ADAMTS2: variants seen among roughly 807,000 people sequenced by gnomAD.
ADAMTS2 encodes A disintegrin and metalloproteinase with thrombospondin motifs 2.
In ADAMTS2, 50 loss-of-function variants were observed where a neutral mutation model predicts 123.0. That is an observed-to-expected ratio of 0.41 (90% CI 0.32 to 0.51). ADAMTS2 has a LOEUF of 0.51. ADAMTS2 is among the 20% of genes least tolerant of loss of function. The probability of loss-of-function intolerance (pLI) is 0.35; values close to 1 mark genes in which losing one functional copy is unlikely to be tolerated. For missense variants in ADAMTS2, 1,494 were observed against 1,705.2 expected (o/e 0.88, Z 2.18); for synonymous variants, 678 against 695.4 (o/e 0.98, Z 0.39).
intron 3 of ADAMTS2, among the ~76,000 whole-genome samples, chr5:179,241,984 T>G (rs972127359): frequency 7.2e-5 from 11 of 152,066 alleles, no homozygotes; most frequent in Admixed American, 3.3e-4. Flanking sequence ...GTGGCTGTGG[T>G]GGGGGGGCAC....
At position 179,188,784 on chromosome 5, in the gene ADAMTS2, CA is replaced by C. The variant is rs796822412; in HGVS notation, c.892-7630del. 3.2e-4 allele frequency among the ~76,000 whole-genome samples: 48 copies of C among 152,298 alleles called. No individual in the cohort carries two copies. The highest frequency in any genetic ancestry group is 1.1e-3 in the African/African-American group (44 of 41,554). ...TCTGCTGATACCTCTGCAGATGCCT[CA>C]GGGTGGGGACGGGGCTCCTCCACTT... On this transcript the variant is annotated intron_variant, in intron 4 of 21. Transcript: ENST00000251582. This position sits in a 1 kb window ranked among gnomAD's most constrained non-coding sequence, Gnocchi z 5.1.
Position 179,202,903 on chromosome 5 carries a change from C to T in ADAMTS2, c.891+4610G>A, listed in dbSNP as rs1432471967. Among the ~76,000 whole-genome samples, 2 of 152,176 alleles carry T rather than the reference C, an allele frequency of 1.3e-5. No individual in the cohort carries two copies. Among genetic ancestry groups the T allele is most frequent in the Non-Finnish European group, 2.9e-5 (2 of 68,024 alleles). The stretch of plus-strand genomic sequence containing the variant: ...CCAGGTCACTTCCTTTCACACAGGC[C>T]ACTAGGCAAAACTGGCCATGCAGCT... On this transcript the variant is annotated intron_variant, in intron 4 of 21. Coordinates refer to ENST00000251582, the MANE Select transcript of ADAMTS2 (RefSeq NM_014244.5). The surrounding 1 kb of genome is among the most constrained non-coding windows in gnomAD (Gnocchi z 4.0).
At chr5:179,187,166 T>C (rs945570623) in intron 4 of ADAMTS2, among the ~76,000 whole-genome samples, 1 of 152,096 alleles carries the variant, frequency 6.6e-6, no homozygotes, top group African/African-American at 2.4e-5. Flanking sequence ...TCTTTAGATA[T>C]CTCAGGAGCA....
chr5:179,241,728 A>G (rs1236293515), intron 3 of ADAMTS2, among the ~76,000 whole-genome samples: 1 of 152,264 alleles, frequency 6.6e-6, no homozygotes, highest in Non-Finnish European at 1.5e-5. Flanking sequence ...AGTGTAGTCA[A>G]AAGAGATAAT....
rs973349751 is a variant in ADAMTS2, at chr5:179,118,230, C to T, written c.3178+3431G>A. On this transcript the variant is annotated intron_variant, in intron 21 of 21. Transcript: ENST00000251582. This position sits in a 1 kb window ranked among gnomAD's most constrained non-coding sequence, Gnocchi z 4.5. ...ATAGCCTAGGAAAATTTCAAAATAGCCTAGAAAAATTTCAAAGTCATCATG... is the reference window on the plus strand; with the variant it reads ...ATAGCCTAGGAAAATTTCAAAATAGTCTAGAAAAATTTCAAAGTCATCATG... Among the ~76,000 whole-genome samples, 1 of 152,068 alleles carries T rather than the reference C, an allele frequency of 6.6e-6. No homozygotes were observed. The highest frequency in any genetic ancestry group is 1.5e-5 in the Non-Finnish European group (1 of 68,014).
At chr5:179,251,577 C>G (rs376146096) in intron 3 of ADAMTS2, among the ~76,000 whole-genome samples, 1 of 152,080 alleles carries the variant, frequency 6.6e-6, no homozygotes, top group Non-Finnish European at 1.5e-5. Context: ...GACCTAGCCC[C>G]GGCCCTCCAG....
rs1763133750 is a variant in ADAMTS2, at chr5:179,139,919, C to T, written c.1746G>A (p.Lys582=). The T allele has an allele frequency of 1.4e-5, 22 of 1,611,986 alleles. No homozygotes were observed. In the East Asian group the frequency reaches 4.9e-4, roughly 36 times the overall value. ...SCSRTCGTGV[K]FRTRQCDNPH... Reference sequence around the variant, plus strand: ...GGTTGTCACACTGGCGGGTCCTGAACTTCACGCCCGTGCCACAGGTACGTG... The same window carrying T: ...GGTTGTCACACTGGCGGGTCCTGAATTTCACGCCCGTGCCACAGGTACGTG... The change falls in exon 11 of 22, where the codon AAG becomes AAA. Residue 582 remains lysine (K), a synonymous_variant. Transcript: ENST00000251582.
Position 179,114,073 on chromosome 5 carries a change from G to C in ADAMTS2, c.3430C>G (p.Leu1144Val), listed in dbSNP as rs267600580. ...PSPSTPLEVP[L>V]NASSTNATED... ...GTGGCATTGGTGCTGGAGGCATTGA[G>C]AGGGACCTCCAGGGGGGTGCTTGGT... is the stretch of plus-strand genomic sequence containing the variant. The change falls in exon 22 of 22, where the codon CTC becomes GTC. Residue 1144 changes from leucine (L) to valine (V), a missense_variant. By Grantham distance (32) the Leu-to-Val change is conservative (BLOSUM62 1). Transcript: ENST00000251582. 1 of 1,614,046 alleles carries C rather than the reference G, an allele frequency of 6.2e-7. No individual in the cohort carries two copies. The highest frequency in any genetic ancestry group is 8.5e-7 in the Non-Finnish European group (1 of 1,180,048).
At chr5:179,259,654 G>A (rs1766162062) in intron 3 of ADAMTS2, among the ~76,000 whole-genome samples, 1 of 152,240 alleles carries the variant, frequency 6.6e-6, no homozygotes, top group Non-Finnish European at 1.5e-5. Flanking sequence ...GCACATTCCT[G>A]ATACCGGGTC....
At position 179,312,079 on chromosome 5, in the gene ADAMTS2, A is replaced by G. The variant is rs1756849400; in HGVS notation, c.534+31688T>C. 6.6e-6 allele frequency among the ~76,000 whole-genome samples: 1 copy of G among 152,186 alleles called. No individual in the cohort carries two copies. The highest frequency in any genetic ancestry group is 1.5e-5 in the Non-Finnish European group (1 of 68,044). On this transcript the variant is annotated intron_variant, in intron 2 of 21. Coordinates refer to ENST00000251582, the MANE Select transcript of ADAMTS2 (RefSeq NM_014244.5). The surrounding 1 kb of genome is among the most constrained non-coding windows in gnomAD (Gnocchi z 4.2). ...TTAGAAGCTGCAGAGGTGCAAATAT[A>G]ACAGTCAGACGACCATGGCAGTGGT...
At chr5:179,320,977 A>G (rs1335001744) in intron 2 of ADAMTS2, among the ~76,000 whole-genome samples, 1 of 152,188 alleles carries the variant, frequency 6.6e-6, no homozygotes, top group East Asian at 1.9e-4. Context: ...TGTGGGAAAA[A>G]AAACAACTGA....
chr5:179,273,112 AAGG>A, intron 2 of ADAMTS2, 48 bp from the exon 3 acceptor site: 5 of 1,612,426 alleles, frequency 3.1e-6, no homozygotes, highest in Non-Finnish European at 4.2e-6. Flanking sequence ...ACAAAAGACC[AAGG>A]AAGGGGAACA....
At chr5:179,229,910 G>C (rs1264650292) in intron 3 of ADAMTS2, among the ~76,000 whole-genome samples, 1 of 152,116 alleles carries the variant, frequency 6.6e-6, no homozygotes, top group East Asian at 1.9e-4. Flanking sequence ...GGCCTCTCTT[G>C]CCAAGGCTTA....
Position 179,167,905 on chromosome 5 carries a change from T to C in ADAMTS2, c.976-9026A>G, listed in dbSNP as rs542664894. Among the ~76,000 whole-genome samples the C allele has an allele frequency of 1.5e-4, 23 of 152,298 alleles. No individual in the cohort carries two copies. In the South Asian group the frequency reaches 4.4e-3, roughly 29 times the overall value. ...CCGTGCTGTTGATACTGATGGAGTA[T>C]AACACCAGTCCCTGGGGACTGGCCT... On this transcript the variant is annotated intron_variant, in intron 5 of 21. Transcript: ENST00000251582.
chr5:179,334,165 G>A (rs534100515), intron 2 of ADAMTS2, among the ~76,000 whole-genome samples: 2 of 152,274 alleles, frequency 1.3e-5, no homozygotes, highest in South Asian at 2.1e-4. Flanking sequence ...TGGCCCAAAG[G>A]GCTTTCCAAG....
intron 3 of ADAMTS2, among the ~76,000 whole-genome samples, chr5:179,239,131 C>G (rs533912770): frequency 6.6e-6 from 1 of 152,264 alleles, no homozygotes; most frequent in Non-Finnish European, 1.5e-5. Context: ...AGAAAAGAAT[C>G]CCTGCTGCTG....
chr5:179,229,408 C>T lies in ADAMTS2; in HGVS notation c.689-21693G>A, dbSNP rs112433534. Among the ~76,000 whole-genome samples, 57 of 51,560 alleles carry T rather than the reference C, an allele frequency of 1.1e-3. 1 individual carries two copies. In the East Asian group the frequency reaches 0.012, roughly 11 times the overall value. 33.8% of individuals were successfully genotyped at this position (51,560 alleles called of 152,430 possible). ...GACCCCGCTGCCCACTCCACAAACA[C>T]GAGACCCCGCTGCCCACTCCCGACG... On this transcript the variant is annotated intron_variant, in intron 3 of 21. Coordinates refer to ENST00000251582, the MANE Select transcript of ADAMTS2 (RefSeq NM_014244.5).
intron 5 of ADAMTS2, among the ~76,000 whole-genome samples, chr5:179,166,179 TCA>T (rs772513700): frequency 3.3e-5 from 5 of 152,116 alleles, no homozygotes; most frequent in Non-Finnish European, 7.4e-5. Flanking sequence ...CTATGCTGGT[TCA>T]CAGAGCTGCC....
chr5:179,171,211 T>C (rs370138464), intron 5 of ADAMTS2, among the ~76,000 whole-genome samples: 3 of 152,212 alleles, frequency 2.0e-5, no homozygotes, highest in Non-Finnish European at 2.9e-5. Context: ...GTCTTTGGCA[T>C]TGAGGTGCAC....
Sources: allele counts gnomAD v4.1 joint callset (sites outside exome capture counted in the v4.1 genomes callset), GRCh38; gene constraint gnomAD v4.1.1; non-coding constraint Gnocchi (gnomAD v3.1); transcripts MANE v1.5; gene names NCBI Gene and HGNC (gene_info 2026-07-23, HGNC 2026-07-21).